Variants in STAT4 observed in about 807,000 individuals in gnomAD.
The protein encoded by STAT4 is signal transducer and activator of transcription 4.
A neutral mutation model predicts 110.5 loss-of-function variants in STAT4; 42 were observed. That is an observed-to-expected ratio of 0.38 (90% confidence interval 0.30 to 0.49). The LOEUF (loss-of-function observed/expected upper bound fraction) is 0.49. STAT4 is among the 20% of genes least tolerant of loss of function. The probability of loss-of-function intolerance (pLI) is 0.95; values close to 1 mark genes in which losing one functional copy is unlikely to be tolerated. For synonymous variants in STAT4, 284 were observed against 302.2 expected, an observed-to-expected ratio of 0.94 and a Z score of 0.63; for missense variants, 632 against 887.9, an observed-to-expected ratio of 0.71 and a Z score of 3.66.
At chr2:191,095,566 G>A (rs911666327) in intron 3 of STAT4, among the ~76,000 whole-genome samples, 4 of 152,170 alleles carry the variant, frequency 2.6e-5, no homozygotes, top group Non-Finnish European at 5.9e-5. Context: ...TGAAACCAAT[G>A]AGAACAAAGA....
chr2:191,072,285 T>G (rs1317117292), intron 5 of STAT4, among the ~76,000 whole-genome samples: 1 of 152,126 alleles, frequency 6.6e-6, no homozygotes, highest in Non-Finnish European at 1.5e-5. Context: ...TTATTAATAA[T>G]GGTAGATTAT....
chr2:191,036,332 T>C (rs925458262), intron 16 of STAT4, 33 bp from the exon 17 acceptor site: 1 of 1,610,520 alleles, frequency 6.2e-7, no homozygotes, highest in Non-Finnish European at 8.5e-7. Flanking sequence ...ATTTGTTAAT[T>C]ATCTTACAGT....
At chr2:191,087,898 A>T (rs1196640550) in intron 3 of STAT4, among the ~76,000 whole-genome samples, 1 of 149,236 alleles carries the variant, frequency 6.7e-6, no homozygotes, top group Non-Finnish European at 1.5e-5. Context: ...TCAACTTGAT[A>T]AAAAAAAAAT....
At chr2:191,069,593 TA>T in intron 6 of STAT4, 99 bp downstream of exon 6, 1 of 900,966 alleles carries the variant, frequency 1.1e-6, no homozygotes, top group Non-Finnish European at 1.8e-6. Context: ...TAGGCTCACC[TA>T]AGGAAGTAGA....
intron 3 of STAT4, among the ~76,000 whole-genome samples, chr2:191,092,369 A>C (rs529551773): frequency 2.9e-4 from 44 of 152,214 alleles, no homozygotes; most frequent in South Asian, 8.3e-4. Flanking sequence ...ATGCCACTGC[A>C]CTCCAGCCTG....
rs1298425306 is a variant in STAT4 at position 191,094,637 on chromosome 2, T to C, written c.274-18312A>G. Among the ~76,000 whole-genome samples the C allele has an allele frequency of 2.0e-5, 3 of 152,164 alleles. No individual in the cohort carries two copies. The East Asian group carries it at 5.8e-4, about 29-fold the overall frequency. On this transcript the variant is annotated intron_variant, in intron 3 of 23. Transcript: ENST00000392320. ...ACCGGTACCAGCCAATGCAAAAACA[T>C]GCCAAATTGTGAAGACCATTGATGC...
rs200926984 is a variant in STAT4, at chr2:191,136,020, AAAC to A, written c.273+10590_273+10592del. 1.6e-3 allele frequency among the ~76,000 whole-genome samples: 209 copies of A among 133,468 alleles called. 5 individuals carry two copies. The highest frequency in any genetic ancestry group is 4.8e-3 in the South Asian group (18 of 3,754). 87.6% of individuals were successfully genotyped at this position (133,468 alleles called of 152,430 possible). A position where few individuals can be genotyped will look rare whatever the true frequency, so the allele number is the denominator to read the frequency against. ...CAGCATCTCAGAAAAAAAAAAAAAA[AAAC>A]CAAAAAACAAAAAACCAATGTGATC... On this transcript the variant is annotated intron_variant, in intron 3 of 23. Transcript: ENST00000392320.
In STAT4 at chr2:191,036,265, G is replaced by T. The variant is rs1378912299; in HGVS notation, c.1469C>A (p.Thr490Lys). Residue 490 changes from threonine (T) to lysine (K), a missense_variant, in exon 17 of 24, where the codon ACA becomes AAA. Around this residue, in one of 4 missense-constraint regions of STAT4, gnomAD observed 488 missense variants for 632.8 expected, o/e 0.77. Transcript: ENST00000392320. ...LVFFNNPPPA[T>K]LSQLLEVMSW... ...CATCACCTCCAGTAGTTGACTCAAT[G>T]TGGCAGGTGGAGGATTATTAAAGAA... 1.2e-6 allele frequency: 2 copies of T among 1,614,136 alleles called. No individual in the cohort carries two copies. Among genetic ancestry groups the T allele is most frequent in the East Asian group, 2.2e-5 (1 of 44,882 alleles).
intron 3 of STAT4, among the ~76,000 whole-genome samples, chr2:191,088,047 A>C (rs1697683440): frequency 1.3e-5 from 2 of 152,178 alleles, no homozygotes; most frequent in Non-Finnish European, 2.9e-5. Context: ...TAATACAATA[A>C]GGTAAGAAAA....
intron 4 of STAT4, 112 bp from the exon 5 acceptor site, chr2:191,073,302 CT>C: frequency 1.3e-6 from 1 of 750,720 alleles, no homozygotes; most frequent in Non-Finnish European, 2.2e-6. Context: ...TATGGATACT[CT>C]ATAGTCATTA....
intron 14 of STAT4, among the ~76,000 whole-genome samples, chr2:191,044,266 T>G (rs759119613): frequency 6.6e-6 from 1 of 152,180 alleles, no homozygotes; most frequent in Non-Finnish European, 1.5e-5. Context: ...AACTCATTGC[T>G]GTAAAATTGC....
At chr2:191,045,210 T>C (rs1388449379) in intron 14 of STAT4, among the ~76,000 whole-genome samples, 3 of 152,174 alleles carry the variant, frequency 2.0e-5, no homozygotes, top group Admixed American at 1.3e-4. Flanking sequence ...GGGAGGAGTT[T>C]GACATAGAAA....
chr2:191,070,840 C>A (rs1237749895), intron 5 of STAT4, among the ~76,000 whole-genome samples: 1 of 150,486 alleles, frequency 6.6e-6, no homozygotes, highest in African/African-American at 2.5e-5. Flanking sequence ...AGCTTCTTTG[C>A]CTGTAAAAAG....
upstream of STAT4, chr2:191,151,517 G>C: frequency 1.0e-6 from 1 of 985,480 alleles, no homozygotes; most frequent in Non-Finnish European, 1.2e-6. This position sits in a 1 kb window ranked among gnomAD's most constrained non-coding sequence, Gnocchi z 4.7. Context: ...CAGAGGGTTG[G>C]GCCAAGTCCT....
At chr2:191,034,683 C>A in intron 17 of STAT4, 86 bp from the exon 18 acceptor site, 1 of 983,948 alleles carries the variant, frequency 1.0e-6, no homozygotes, top group Non-Finnish European at 1.6e-6. Flanking sequence ...TGCCTCTTCC[C>A]TTTCAAGCAT....
chr2:191,078,857 T>C (rs1454031275), intron 3 of STAT4, among the ~76,000 whole-genome samples: 1 of 152,166 alleles, frequency 6.6e-6, no homozygotes, highest in Non-Finnish European at 1.5e-5. Context: ...CTTCTTATGA[T>C]TTAAGAAATC....
In STAT4 at chr2:191,144,827, A is replaced by G. The variant is rs1014648732; in HGVS notation, c.273+1786T>C. On this transcript the variant is annotated intron_variant, in intron 3 of 23. Transcript: ENST00000392320. This position sits in a 1 kb window ranked among gnomAD's most constrained non-coding sequence, Gnocchi z 4.7. Reference sequence around the variant, plus strand: ...CATCTTGCCAGAAGAAAAGCTCCAGACTTCCTCACAATTCCAAAAGGTAGA... The same window carrying G: ...CATCTTGCCAGAAGAAAAGCTCCAGGCTTCCTCACAATTCCAAAAGGTAGA... 6.6e-6 allele frequency among the ~76,000 whole-genome samples: 1 copy of G among 152,196 alleles called. No homozygotes were observed. The highest frequency in any genetic ancestry group is 1.5e-5 in the Non-Finnish European group (1 of 68,022).
intron 14 of STAT4, among the ~76,000 whole-genome samples, chr2:191,052,520 G>GT (rs1696557721): frequency 6.6e-6 from 1 of 152,170 alleles, no homozygotes; most frequent in African/African-American, 2.4e-5. Context: ...ACAGTGGTTG[G>GT]TTTTTCTACA....
chr2:191,066,531 G>C lies in STAT4; in HGVS notation c.545-16C>G. On this transcript the variant is annotated splice_polypyrimidine_tract_variant and intron_variant, in intron 6 of 23. Transcript: ENST00000392320. This position sits in a 1 kb window ranked among gnomAD's most constrained non-coding sequence, Gnocchi z 4.3. Reference sequence around the variant, plus strand: ...TCACTCTGATCTGCAAAGGTAAAGAGATCAGATTTAGAGTTCTCTCTATTC... The same window carrying C: ...TCACTCTGATCTGCAAAGGTAAAGACATCAGATTTAGAGTTCTCTCTATTC... The C allele has an allele frequency of 6.2e-7, 1 of 1,610,452 alleles. No homozygotes were observed. The highest frequency in any genetic ancestry group is 1.1e-5 in the South Asian group (1 of 90,848).
Sources: allele counts gnomAD v4.1 joint callset (sites outside exome capture counted in the v4.1 genomes callset), GRCh38; gene constraint gnomAD v4.1.1; regional missense constraint gnomAD v4.1.1; non-coding constraint Gnocchi (gnomAD v3.1); transcripts MANE v1.5; gene names NCBI Gene and HGNC (gene_info 2026-07-23, HGNC 2026-07-21).